SINHCAF: variants seen among roughly 807,000 people sequenced by gnomAD.
The protein encoded by SINHCAF is SIN3-HDAC complex associated factor.
Under a neutral mutation model 25.8 loss-of-function variants are expected in SINHCAF, and 3 were observed. That is an observed-to-expected ratio of 0.12 (90% CI 0.05 to 0.30). SINHCAF has a LOEUF of 0.30. Ranked by LOEUF, SINHCAF falls within the 10% of genes least tolerant of loss-of-function variation. SINHCAF has a pLI of 1.00. For synonymous variants in SINHCAF, 70 were observed against 85.5 expected, an observed-to-expected ratio of 0.82 and a Z score of 1.00; for missense variants, 121 against 262.3, an observed-to-expected ratio of 0.46 and a Z score of 3.72.
chr12:31,300,035 G>A (rs750736150), intron 1 of SINHCAF, among the ~76,000 whole-genome samples: 59 of 152,166 alleles, frequency 3.9e-4, no homozygotes, highest in Non-Finnish European at 7.5e-4. Context: ...GTGGTTGACC[G>A]AAACGTCCTT....
chr12:31,290,970 C>T (rs1938286793), intron 4 of SINHCAF, among the ~76,000 whole-genome samples: 2 of 151,786 alleles, frequency 1.3e-5, no homozygotes, highest in South Asian at 4.2e-4. Context: ...CCACCTGCCT[C>T]GGCCTCCCAA....
chr12:31,319,283 C>CTAT (rs1365769421), intron 1 of SINHCAF, among the ~76,000 whole-genome samples: 1 of 152,150 alleles, frequency 6.6e-6, no homozygotes. Flanking sequence ...AATCCCAGCA[C>CTAT]TATGGGAGGC....
At chr12:31,297,717 C>A (rs189073597) in intron 2 of SINHCAF, among the ~76,000 whole-genome samples, 1 of 151,740 alleles carries the variant, frequency 6.6e-6, no homozygotes, top group Admixed American at 6.6e-5. Flanking sequence ...GTGATCCGCC[C>A]GCCTCGGCCT....
intron 4 of SINHCAF, among the ~76,000 whole-genome samples, chr12:31,291,650 G>C (rs1938325655): frequency 6.6e-6 from 1 of 152,182 alleles, no homozygotes; most frequent in Admixed American, 6.5e-5. Flanking sequence ...TGTAATCCCA[G>C]CTACTCGGGA....
At chr12:31,305,357 G>A (rs1361820471) in intron 1 of SINHCAF, among the ~76,000 whole-genome samples, 1 of 152,114 alleles carries the variant, frequency 6.6e-6, no homozygotes, top group Non-Finnish European at 1.5e-5. Flanking sequence ...TTCATGAGCT[G>A]GTGAACAAGT....
At chr12:31,310,941 C>T (rs1939242533) in intron 1 of SINHCAF, among the ~76,000 whole-genome samples, 3 of 151,152 alleles carry the variant, frequency 2.0e-5, no homozygotes, top group Non-Finnish European at 4.4e-5. Flanking sequence ...ACAATCTCCG[C>T]TCATTGCAAC....
chr12:31,310,061 A>G (rs1235987790), intron 1 of SINHCAF, among the ~76,000 whole-genome samples: 1 of 152,168 alleles, frequency 6.6e-6, no homozygotes, highest in East Asian at 1.9e-4. Context: ...GGAAAAAGAG[A>G]TGAGCATTAT....
intron 1 of SINHCAF, among the ~76,000 whole-genome samples, chr12:31,310,012 A>G (rs1338239761): frequency 6.6e-6 from 1 of 152,124 alleles, no homozygotes. Context: ...GCTTTCCCCA[A>G]TCCCATGATT....
chr12:31,321,973 C>T (rs2137141800), intron 1 of SINHCAF, among the ~76,000 whole-genome samples: 1 of 151,678 alleles, frequency 6.6e-6, no homozygotes, highest in Admixed American at 6.6e-5. Flanking sequence ...TTTCCCAGGA[C>T]TTGATAACCA....
chr12:31,309,419 G>A (rs1359186229), intron 1 of SINHCAF, among the ~76,000 whole-genome samples: 1 of 152,180 alleles, frequency 6.6e-6, no homozygotes, highest in African/African-American at 2.4e-5. Context: ...CGTTAAGCAA[G>A]GGATTCTTAG....
chr12:31,290,080 G>A (rs1442631380), intron 4 of SINHCAF, among the ~76,000 whole-genome samples: 1 of 151,866 alleles, frequency 6.6e-6, no homozygotes, highest in Non-Finnish European at 1.5e-5. Flanking sequence ...CTCCCACCTC[G>A]GCCTCCCAAA....
chr12:31,297,714 G>A lies in SINHCAF; in HGVS notation c.128+363C>T, dbSNP rs553703953. On this transcript the variant is annotated intron_variant, in intron 2 of 5. Transcript: ENST00000337682. ...TCTCGATCTCTTGACCTCGTGATCC[G>A]CCCGCCTCGGCCTCCCAAAATGCTC... is the stretch of plus-strand genomic sequence containing the variant. Among the ~76,000 whole-genome samples the A allele has an allele frequency of 2.1e-3, 319 of 150,570 alleles. 2 individuals carry two copies. Among genetic ancestry groups the A allele is most frequent in the African/African-American group, 7.4e-3 (304 of 40,860 alleles).
At chr12:31,294,557 T>G (rs74443565) in intron 3 of SINHCAF, among the ~76,000 whole-genome samples, 3 of 152,184 alleles carry the variant, frequency 2.0e-5, no homozygotes, top group Non-Finnish European at 4.4e-5. Context: ...GCCATTGATC[T>G]CGCCCCATAT....
chr12:31,305,202 G>A (rs1938970674), intron 1 of SINHCAF: 1 of 152,136 alleles, frequency 6.6e-6, no homozygotes, highest in African/African-American at 2.4e-5. Flanking sequence ...ACGATACCTG[G>A]TAAGGGCCCC....
At chr12:31,322,275 T>C (rs919720762) in intron 1 of SINHCAF, among the ~76,000 whole-genome samples, 9 of 152,330 alleles carry the variant, frequency 5.9e-5, no homozygotes, top group African/African-American at 1.4e-4. Flanking sequence ...ATGTAGTATA[T>C]GAAATCTGCT....
At chr12:31,290,176 G>A (rs2137077317) in intron 4 of SINHCAF, among the ~76,000 whole-genome samples, 1 of 150,082 alleles carries the variant, frequency 6.7e-6, no homozygotes. Flanking sequence ...TTAAAACAGA[G>A]TCTCACTCTG....
chr12:31,305,618 A>G (rs921039337), intron 1 of SINHCAF, among the ~76,000 whole-genome samples: 1 of 151,464 alleles, frequency 6.6e-6, no homozygotes, highest in African/African-American at 2.4e-5. Flanking sequence ...CAATTGTGTT[A>G]TTATTCCATT....
chr12:31,324,748 G>C lies in SINHCAF; in HGVS notation c.-21+1276C>G. 2.8e-6 allele frequency: 1 copy of C among 351,884 alleles called. No homozygotes were observed. The highest frequency in any genetic ancestry group is 5.7e-6 in the Non-Finnish European group (1 of 176,408). 21.8% of individuals were successfully genotyped at this position (351,884 alleles called of 1,614,324 possible). On this transcript the variant is annotated intron_variant, in intron 1 of 5. Coordinates refer to ENST00000337682, the MANE Select transcript of SINHCAF (RefSeq NM_001135812.2). The surrounding 1 kb of genome is among the most constrained non-coding windows in gnomAD (Gnocchi z 5.5). Reference sequence around the variant, plus strand: ...GACACTGGACGATCACCCTGGGTAGGGGTCCGGACCCCGCGCCCCGAAGAG... The same window carrying C: ...GACACTGGACGATCACCCTGGGTAGCGGTCCGGACCCCGCGCCCCGAAGAG...
At chr12:31,312,313 T>G (rs765162137) in intron 1 of SINHCAF, among the ~76,000 whole-genome samples, 3 of 152,244 alleles carry the variant, frequency 2.0e-5, no homozygotes, top group Non-Finnish European at 4.4e-5. Context: ...TTTTCAGTTT[T>G]GGCTACTACA....
Sources: allele counts gnomAD v4.1 joint callset (sites outside exome capture counted in the v4.1 genomes callset), GRCh38; gene constraint gnomAD v4.1.1; non-coding constraint Gnocchi (gnomAD v3.1); transcripts MANE v1.5; gene names NCBI Gene and HGNC (gene_info 2026-07-23, HGNC 2026-07-21).